The following NKAIN3 variants were observed in gnomAD, a reference collection of about 807,000 sequenced individuals.
The protein encoded by NKAIN3 is sodium/potassium-transporting ATPase subunit beta-1-interacting protein 3.
A neutral mutation model predicts 30.2 loss-of-function variants in NKAIN3; 25 were observed. That is an observed-to-expected ratio of 0.83 (90% confidence interval 0.60 to 1.16). The LOEUF (loss-of-function observed/expected upper bound fraction) is 1.16. Among genes scored for constraint, NKAIN3 ranks in the 50% most tolerant of loss-of-function variants. The pLI is 0.00. For synonymous variants in NKAIN3, 91 were observed against 89.6 expected, an observed-to-expected ratio of 1.02 and a Z score of -0.09; for missense variants, 225 against 254.1, an observed-to-expected ratio of 0.89 and a Z score of 0.78.
At chr8:62,316,183 T>A (rs1028107231) in intron 1 of NKAIN3, among the ~76,000 whole-genome samples, 1 of 152,142 alleles carries the variant, frequency 6.6e-6, no homozygotes, top group Non-Finnish European at 1.5e-5. Context: ...CAATTTAACC[T>A]CTGTCCTTTA....
chr8:62,439,479 A>G (rs1008349532), intron 1 of NKAIN3, among the ~76,000 whole-genome samples: 23 of 152,194 alleles, frequency 1.5e-4, no homozygotes, highest in African/African-American at 5.5e-4. Context: ...AAAAATACCA[A>G]CATCATTTTG....
At chr8:62,250,432 G>GA (rs1374133649) in intron 1 of NKAIN3, among the ~76,000 whole-genome samples, 2 of 152,020 alleles carry the variant, frequency 1.3e-5, no homozygotes, top group African/African-American at 2.4e-5. Flanking sequence ...ATAGTTTCTT[G>GA]AAAAAAATTT....
At chr8:62,418,357 G>GA (rs917182982) in intron 1 of NKAIN3, among the ~76,000 whole-genome samples, 5 of 151,752 alleles carry the variant, frequency 3.3e-5, no homozygotes, top group African/African-American at 7.3e-5. Context: ...AAAAAGATAG[G>GA]AAAAAAAATT....
intron 1 of NKAIN3, among the ~76,000 whole-genome samples, chr8:62,295,796 T>G: frequency 6.6e-6 from 1 of 152,052 alleles, no homozygotes; most frequent in African/African-American, 2.4e-5. Context: ...ATTAATTAAT[T>G]ATATTTGTTT....
At chr8:62,681,558 T>A (rs1813644812) in intron 3 of NKAIN3, among the ~76,000 whole-genome samples, 1 of 152,182 alleles carries the variant, frequency 6.6e-6, no homozygotes, top group Non-Finnish European at 1.5e-5. Flanking sequence ...TGGCCATTTA[T>A]CTTCTTTTTG....
chr8:62,972,485 C>A lies in NKAIN3; in HGVS notation c.*7078C>A, dbSNP rs966767218. Among the ~76,000 whole-genome samples, 3 of 152,060 alleles carry A rather than the reference C, an allele frequency of 2.0e-5. No individual in the cohort carries two copies. Among genetic ancestry groups the A allele is most frequent in the Non-Finnish European group, 1.5e-5 (1 of 68,018 alleles). ...TAGTTTTTCAAATAGAAAAGTGATA[C>A]TAACATCAATAATTAAACTTCCCAA... On this transcript the variant is annotated 3_prime_UTR_variant, in exon 7 of 7. Transcript: ENST00000623646.
rs139432641 is a variant in NKAIN3 at position 62,323,149 on chromosome 8, A to T, written c.54+74022A>T. On this transcript the variant is annotated intron_variant, in intron 1 of 6. Transcript: ENST00000623646. Reference sequence around the variant, plus strand: ...TTCTTATAAATCTAAACATGCTCTTATCTTATGACTCAGCAATTACATGCC... The same window carrying T: ...TTCTTATAAATCTAAACATGCTCTTTTCTTATGACTCAGCAATTACATGCC... Among the ~76,000 whole-genome samples, 18 of 152,332 alleles carry T rather than the reference A, an allele frequency of 1.2e-4. No homozygotes were observed. The East Asian group carries it at 3.1e-3, about 26-fold the overall frequency.
chr8:62,575,408 A>T (rs1810078132), intron 1 of NKAIN3, among the ~76,000 whole-genome samples: 1 of 152,030 alleles, frequency 6.6e-6, no homozygotes, highest in African/African-American at 2.4e-5. Flanking sequence ...ATTAACCAAA[A>T]ATGTGAAAGA....
chr8:62,706,142 G>A (rs1441461572), intron 3 of NKAIN3, among the ~76,000 whole-genome samples: 1 of 152,054 alleles, frequency 6.6e-6, no homozygotes, highest in African/African-American at 2.4e-5. Flanking sequence ...CTATCTACAG[G>A]AAGGGGTCTA....
intron 4 of NKAIN3, among the ~76,000 whole-genome samples, chr8:62,801,110 C>T (rs1026625199): frequency 1.2e-4 from 18 of 152,178 alleles, no homozygotes; most frequent in East Asian, 1.9e-4. Context: ...ACAAAGAAGC[C>T]GGGAAGCTCC....
intron 1 of NKAIN3, among the ~76,000 whole-genome samples, chr8:62,538,516 A>G (rs1563447220): frequency 1.3e-5 from 2 of 152,170 alleles, no homozygotes; most frequent in Non-Finnish European, 2.9e-5. Context: ...TCCCCCCTCC[A>G]AAGTAAACCT....
In NKAIN3 at chr8:62,526,405, C is replaced by CAATAGTCAATAGTCAA. The variant is rs1234256140; in HGVS notation, c.55-53134_55-53133insAATAGTCAATAGTCAA. The stretch of plus-strand genomic sequence containing the variant: ...ATTATAGCAAGAAATTGACTACTGC[C>CAATAGTCAATAGTCAA]TAGTCAAGGATATTTTGGACTCGAT... On this transcript the variant is annotated intron_variant, in intron 1 of 6. Transcript: ENST00000623646. 1.3e-5 allele frequency among the ~76,000 whole-genome samples: 2 copies of CAATAGTCAATAGTCAA among 152,054 alleles called. 1 individual carries two copies. Among genetic ancestry groups the CAATAGTCAATAGTCAA allele is most frequent in the Non-Finnish European group, 2.9e-5 (2 of 68,010 alleles).
intron 1 of NKAIN3, among the ~76,000 whole-genome samples, chr8:62,427,060 T>A (rs1434650956): frequency 2.0e-5 from 3 of 152,054 alleles, no homozygotes; most frequent in African/African-American, 7.2e-5. Context: ...TTACTGTCAA[T>A]CAAAGCCTGT....
At chr8:62,502,959 C>A (rs965196143) in intron 1 of NKAIN3, among the ~76,000 whole-genome samples, 1 of 152,114 alleles carries the variant, frequency 6.6e-6, no homozygotes, top group Admixed American at 6.5e-5. Context: ...AAAACAGGTC[C>A]CCAACCCCTG....
intron 1 of NKAIN3, among the ~76,000 whole-genome samples, chr8:62,412,787 C>A (rs1305323427): frequency 6.6e-6 from 1 of 151,548 alleles, no homozygotes; most frequent in Non-Finnish European, 1.5e-5. Context: ...TGGTGGGTGC[C>A]TGTAGCCCCA....
Position 62,690,013 on chromosome 8 carries a change from G to A in NKAIN3, c.274-56919G>A, listed in dbSNP as rs376476258. Among the ~76,000 whole-genome samples the A allele has an allele frequency of 2.5e-3, 379 of 151,830 alleles. 2 individuals are homozygous for A. The highest frequency in any genetic ancestry group is 8.7e-3 in the African/African-American group (362 of 41,436). ...ATAAAATTGCACATGTTAAGGAAAGGAGGTAAGAGGGAAAGAAGACTCCTT... is the reference window on the plus strand; with the variant it reads ...ATAAAATTGCACATGTTAAGGAAAGAAGGTAAGAGGGAAAGAAGACTCCTT... On this transcript the variant is annotated intron_variant, in intron 3 of 6. Transcript: ENST00000623646.
chr8:62,467,904 G>A (rs1181154101), intron 1 of NKAIN3, among the ~76,000 whole-genome samples: 1 of 151,942 alleles, frequency 6.6e-6, no homozygotes, highest in Non-Finnish European at 1.5e-5. Flanking sequence ...AAGCAGCTGG[G>A]GACTGCAATT....
downstream of NKAIN3, among the ~76,000 whole-genome samples, chr8:62,987,054 G>C (rs1293890862): frequency 6.6e-6 from 1 of 152,030 alleles, no homozygotes; most frequent in Non-Finnish European, 1.5e-5. Context: ...CATTGTTTAA[G>C]ACCTAAGTTC....
intron 3 of NKAIN3, among the ~76,000 whole-genome samples, chr8:62,591,315 T>C (rs961507140): frequency 5.3e-5 from 8 of 151,924 alleles, no homozygotes; most frequent in East Asian, 1.9e-4. Flanking sequence ...TCAGCACTTA[T>C]TAACTGTGAA....
Sources: gnomAD v4.1 joint callset for allele counts (sites outside exome capture counted in the v4.1 genomes callset) on GRCh38, gnomAD v4.1.1 for gene constraint, MANE v1.5 for transcripts, NCBI Gene and HGNC (gene_info 2026-07-23, HGNC 2026-07-21) for gene names.